Variants in MCTP1 observed in about 807,000 individuals in gnomAD.
MCTP1 encodes the protein multiple C2 and transmembrane domain-containing protein 1.
A neutral mutation model predicts 120.6 loss-of-function variants in MCTP1; 69 were observed. The observed-to-expected ratio is 0.57, with a 90% CI of 0.47 to 0.70. The LOEUF (loss-of-function observed/expected upper bound fraction) is 0.70. Among genes scored for constraint, MCTP1 ranks in the 30% least tolerant of loss-of-function variants. MCTP1 has a pLI of 0.00. For missense variants in MCTP1, 1,203 were observed against 1,248.8 expected (o/e 0.96, Z 0.55); for synonymous variants, 529 against 493.1 (o/e 1.07, Z -0.96).
intron 12 of MCTP1, among the ~76,000 whole-genome samples, chr5:94,886,307 A>G (rs1301492745): frequency 6.6e-6 from 1 of 152,240 alleles, no homozygotes; most frequent in African/African-American, 2.4e-5. Context: ...TACATTTTGA[A>G]AGGGAAAAAT....
intron 1 of MCTP1, among the ~76,000 whole-genome samples, chr5:95,123,152 C>T (rs1758362679): frequency 6.6e-6 from 1 of 152,120 alleles, no homozygotes; most frequent in Non-Finnish European, 1.5e-5. Context: ...AGAATAAATG[C>T]TTGAGGTGAT....
At chr5:94,938,138 A>G (rs1204011704) in intron 5 of MCTP1, among the ~76,000 whole-genome samples, 1 of 151,870 alleles carries the variant, frequency 6.6e-6, no homozygotes, top group Non-Finnish European at 1.5e-5. Context: ...ATCCATTCTT[A>G]CCCCTTCAAT....
chr5:94,729,161 CTAAG>C (rs1762662569), intron 19 of MCTP1, among the ~76,000 whole-genome samples: 1 of 152,094 alleles, frequency 6.6e-6, no homozygotes, highest in Non-Finnish European at 1.5e-5. Context: ...AGAAACTACT[CTAAG>C]TATTTCAAAC....
chr5:95,197,533 T>C (rs1252019225), intron 1 of MCTP1, among the ~76,000 whole-genome samples: 3 of 152,158 alleles, frequency 2.0e-5, no homozygotes, highest in African/African-American at 7.2e-5. Context: ...GGTCAATCTG[T>C]ATGGACTAAC....
intron 1 of MCTP1, among the ~76,000 whole-genome samples, chr5:95,142,961 C>T (rs1005818955): frequency 6.6e-6 from 1 of 152,092 alleles, no homozygotes; most frequent in African/African-American, 2.4e-5. Context: ...AAACTATAAA[C>T]ACCACTGTGC....
intron 1 of MCTP1, among the ~76,000 whole-genome samples, chr5:95,186,261 C>T (rs571292895): frequency 9.4e-6 from 1 of 106,340 alleles, no homozygotes; most frequent in African/African-American, 3.5e-5. Context: ...AGGAATCTAC[C>T]AAAAAAAAAA....
chr5:94,759,978 T>TG (rs994639988), intron 19 of MCTP1, among the ~76,000 whole-genome samples: 9 of 150,122 alleles, frequency 6.0e-5, no homozygotes, highest in Non-Finnish European at 1.0e-4. Flanking sequence ...GAGGGTTTTT[T>TG]TTTTTTTTTT....
At chr5:94,953,523 A>G (rs1821167943) in intron 2 of MCTP1, among the ~76,000 whole-genome samples, 162 bp from the exon 3 acceptor site, 1 of 151,824 alleles carries the variant, frequency 6.6e-6, no homozygotes, top group Non-Finnish European at 1.5e-5. Flanking sequence ...TTTTTATTAT[A>G]TATTGAAGTG....
In MCTP1 at chr5:95,268,303, C is replaced by T. The variant is rs147249200; in HGVS notation, c.720+15553G>A. Among the ~76,000 whole-genome samples, 606 of 152,316 alleles carry T rather than the reference C, an allele frequency of 4.0e-3. 4 individuals carry two copies. The highest frequency in any genetic ancestry group is 0.027 in the Middle Eastern group (8 of 292). On this transcript the variant is annotated intron_variant, in intron 1 of 22. Transcript: ENST00000515393. ...GAAGGGAGAAAGAGAAAGATGGTTA[C>T]TAAAATCGTTGGTACTTAATTGGAA... is the stretch of plus-strand genomic sequence containing the variant.
At chr5:94,993,624 A>C (rs191183031) in intron 2 of MCTP1, among the ~76,000 whole-genome samples, 2 of 152,268 alleles carry the variant, frequency 1.3e-5, no homozygotes, top group African/African-American at 4.8e-5. Flanking sequence ...TAAATGGCAT[A>C]GTTTTGGGGC....
intron 1 of MCTP1, among the ~76,000 whole-genome samples, chr5:95,041,311 G>GAAAAAAAAAAAAAAAAAAAAAAAAAAA (rs58379749): frequency 2.2e-5 from 2 of 89,816 alleles, no homozygotes; most frequent in African/African-American, 8.2e-5. Flanking sequence ...CCCATGCTCT[G>GAAAAAAAAAAAAAAAAAAAAAAAAAAA]AAAAAAAAAA....
intron 1 of MCTP1, among the ~76,000 whole-genome samples, chr5:95,255,952 T>C (rs1310229775): frequency 2.0e-5 from 3 of 152,136 alleles, no homozygotes; most frequent in Non-Finnish European, 2.9e-5. Context: ...AGTGTTCGTC[T>C]GTAGCTCGAG....
intron 2 of MCTP1, among the ~76,000 whole-genome samples, chr5:94,960,659 T>C (rs947950227): frequency 3.3e-5 from 5 of 151,902 alleles, no homozygotes; most frequent in Non-Finnish European, 5.9e-5. Flanking sequence ...AAGAAACATA[T>C]GAAAAAAAGC....
intron 18 of MCTP1, chr5:94,792,133 C>T (rs1215345829): frequency 6.6e-6 from 1 of 152,622 alleles, no homozygotes; most frequent in Non-Finnish European, 1.5e-5. Flanking sequence ...TGTGCGGCAC[C>T]TTGGGCAAGG....
chr5:94,848,164 A>G (rs898482212), intron 17 of MCTP1, among the ~76,000 whole-genome samples: 1 of 152,318 alleles, frequency 6.6e-6, no homozygotes, highest in East Asian at 1.9e-4. Context: ...TATAACCAAC[A>G]TGTAAATCAG....
rs140780065 is a variant in MCTP1, at chr5:95,228,015, A to C, written c.720+55841T>G. On this transcript the variant is annotated intron_variant, in intron 1 of 22. Transcript: ENST00000515393. ...ATTATACTATATATCAGACACTAGG[A>C]TAAGCACTTTTGCTTATAAAAAATG... Among the ~76,000 whole-genome samples, 1,112 of 152,298 alleles carry C rather than the reference A, an allele frequency of 7.3e-3. 12 individuals carry two copies. Among genetic ancestry groups the C allele is most frequent in the South Asian group, 0.03 (146 of 4,820 alleles).
intron 1 of MCTP1, among the ~76,000 whole-genome samples, chr5:95,135,431 T>G (rs888599976): frequency 2.6e-5 from 4 of 152,260 alleles, no homozygotes; most frequent in African/African-American, 9.6e-5. Flanking sequence ...TGGTTGATAC[T>G]GAGTGTCAAC....
At chr5:95,173,774 A>C (rs1249424712) in intron 1 of MCTP1, among the ~76,000 whole-genome samples, 3 of 152,160 alleles carry the variant, frequency 2.0e-5, no homozygotes, top group African/African-American at 7.2e-5. Flanking sequence ...GACCCAAATA[A>C]ACAACCACAA....
intron 2 of MCTP1, among the ~76,000 whole-genome samples, chr5:94,978,209 G>C (rs1828544599): frequency 6.6e-6 from 1 of 152,056 alleles, no homozygotes; most frequent in Admixed American, 6.6e-5. Context: ...AACACGTGTT[G>C]GTGAGGATGT....
Sources: allele counts gnomAD v4.1 joint callset (sites outside exome capture counted in the v4.1 genomes callset), GRCh38; gene constraint gnomAD v4.1.1; transcripts MANE v1.5; gene names NCBI Gene and HGNC (gene_info 2026-07-23, HGNC 2026-07-21).